Variants in CRB1 observed in about 807,000 individuals in gnomAD.
The protein encoded by CRB1 is protein crumbs homolog 1.
In CRB1, 83 loss-of-function variants were observed where a neutral mutation model predicts 120.0. The ratio of observed to expected loss-of-function variants is 0.69; its 90% CI spans 0.58 to 0.83. CRB1 has a LOEUF of 0.83. Ranked by LOEUF, CRB1 falls within the 40% of genes least tolerant of loss-of-function variation. CRB1 has a pLI of 0.00. For synonymous variants in CRB1, 625 were observed against 612.5 expected, an observed-to-expected ratio of 1.02 and a Z score of -0.30; for missense variants, 1,699 against 1,687.6, an observed-to-expected ratio of 1.01 and a Z score of -0.12.
intron 1 of CRB1, among the ~76,000 whole-genome samples, chr1:197,301,229 G>GACCTCGGCTCACTGCA (rs943321559): frequency 2.6e-5 from 4 of 151,304 alleles, no homozygotes; most frequent in African/African-American, 9.7e-5. Context: ...GCAGTGGCGC[G>GACCTCGGCTCACTGCA]ACCTCGGCTC....
At chr1:197,353,906 T>C (rs2125346126) in intron 4 of CRB1, among the ~76,000 whole-genome samples, 1 of 149,694 alleles carries the variant, frequency 6.7e-6, no homozygotes, top group Non-Finnish European at 1.5e-5. Context: ...GTGTTATATG[T>C]GCATCCTACT....
intron 5 of CRB1, among the ~76,000 whole-genome samples, chr1:197,375,056 A>T (rs1047185926): frequency 6.6e-6 from 1 of 152,126 alleles, no homozygotes; most frequent in African/African-American, 2.4e-5. Flanking sequence ...ATCTGAACCC[A>T]TCCCAAAGGC....
At chr1:197,359,234 C>A (rs74400266) in intron 5 of CRB1, among the ~76,000 whole-genome samples, 3,088 of 152,244 alleles carry the variant, frequency 0.02, 88 homozygotes, top group African/African-American at 0.067. Flanking sequence ...TCCTTCCCTG[C>A]CTCCTCATCC....
At chr1:197,283,203 C>T (rs1245255150) in intron 1 of CRB1, among the ~76,000 whole-genome samples, 1 of 151,396 alleles carries the variant, frequency 6.6e-6, no homozygotes, top group Non-Finnish European at 1.5e-5. Flanking sequence ...TTGGAAAAAA[C>T]AAAGAAAAAT....
At chr1:197,405,817 G>A (rs1002253832) in intron 5 of CRB1, among the ~76,000 whole-genome samples, 1 of 151,948 alleles carries the variant, frequency 6.6e-6, no homozygotes, top group Non-Finnish European at 1.5e-5. Context: ...CCCCGTCTGA[G>A]AAGTGAGGAG....
intron 1 of CRB1, among the ~76,000 whole-genome samples, chr1:197,302,677 G>T (rs1481105292): frequency 6.6e-6 from 1 of 152,082 alleles, no homozygotes; most frequent in African/African-American, 2.4e-5. Flanking sequence ...TCAGAATAAA[G>T]TTGGCCAAAG....
intron 5 of CRB1, among the ~76,000 whole-genome samples, chr1:197,375,727 T>C (rs921235920): frequency 1.3e-5 from 2 of 152,210 alleles, no homozygotes; most frequent in African/African-American, 4.8e-5. Context: ...TCTTTAGCAA[T>C]TATTCTTTAT....
chr1:197,455,859 C>T (rs1243322440), intron 11 of CRB1, among the ~76,000 whole-genome samples: 1 of 151,922 alleles, frequency 6.6e-6, no homozygotes, highest in African/African-American at 2.4e-5. Flanking sequence ...ATTACTGAAA[C>T]ACAGGTTTGT....
the CRB1 span, among the ~76,000 whole-genome samples, chr1:197,252,043 C>T: frequency 3.1e-4 from 47 of 151,808 alleles, no homozygotes; most frequent in Non-Finnish European, 5.0e-4. Flanking sequence ...CCTAGCTATC[C>T]ACAGTTTTGT....
chr1:197,312,198 A>G (rs1292666085), intron 1 of CRB1, among the ~76,000 whole-genome samples: 2 of 152,228 alleles, frequency 1.3e-5, no homozygotes, highest in Non-Finnish European at 2.9e-5. Context: ...GTAACTGTTT[A>G]TTAGTTGCTA....
intron 1 of CRB1, among the ~76,000 whole-genome samples, chr1:197,325,821 G>C (rs1041532867): frequency 6.6e-6 from 1 of 152,106 alleles, no homozygotes; most frequent in Non-Finnish European, 1.5e-5. Context: ...AGCTAAATAT[G>C]AGGCATATTA....
intron 11 of CRB1, chr1:197,444,200 T>C (rs1665593030): frequency 6.6e-6 from 1 of 152,210 alleles, no homozygotes; most frequent in Non-Finnish European, 1.5e-5. Flanking sequence ...TGAAGTAATA[T>C]ACTACAAAAG....
At chr1:197,453,439 T>C (rs1220306864) in intron 11 of CRB1, among the ~76,000 whole-genome samples, 2 of 147,350 alleles carry the variant, frequency 1.4e-5, no homozygotes, top group African/African-American at 2.5e-5. Context: ...TATAGTAGTA[T>C]ACTAATTATA....
At chr1:197,401,857 G>A (rs1161783796) in intron 5 of CRB1, among the ~76,000 whole-genome samples, 1 of 151,766 alleles carries the variant, frequency 6.6e-6, no homozygotes, top group South Asian at 2.1e-4. Context: ...CAGGGTCTCA[G>A]TCTTTTATAT....
In CRB1 at chr1:197,435,610, C is replaced by T. The variant is rs1665119927; in HGVS notation, c.3747C>T (p.Cys1249=). The stretch of plus-strand genomic sequence containing the variant: ...TTGGAAATTTTACAGGAAAATTTTG[C>T]AGGTGAGCATAAAGTCCATATGAAG... The part of the protein sequence containing the change: ...LCFGNFTGKF[C]RQSRLPSTVC... Residue 1249 remains cysteine (C), a splice_region_variant and synonymous_variant, in exon 9 of 12, where the codon TGC becomes TGT. Coordinates refer to ENST00000367400, the MANE Select transcript of CRB1 (RefSeq NM_201253.3). The T allele has an allele frequency of 1.2e-6, 2 of 1,610,154 alleles. No individual in the cohort carries two copies. Among genetic ancestry groups the T allele is most frequent in the Non-Finnish European group, 8.5e-7 (1 of 1,177,778 alleles).
In CRB1 at chr1:197,435,576, G is replaced by T. The variant is rs78471980; in HGVS notation, c.3713G>T (p.Cys1238Phe). 1.2e-6 allele frequency: 2 copies of T among 1,613,176 alleles called. No individual in the cohort carries two copies. The highest frequency in any genetic ancestry group is 1.7e-6 in the Non-Finnish European group (2 of 1,179,630). The change falls in exon 9 of 12, where the codon TGC becomes TTC. Residue 1238 changes from cysteine to phenylalanine, a missense_variant. By Grantham distance (205) the Cys-to-Phe change is radical. Transcript: ENST00000367400. The stretch of plus-strand genomic sequence containing the variant: ...ATTAGTCATACTAATGGCTATTCTT[G>T]CCTCTGTTTTGGAAATTTTACAGGA... ...TCISHTNGYS[C>F]LCFGNFTGKF...
At chr1:197,290,100 T>A (rs1420577617) in intron 1 of CRB1, among the ~76,000 whole-genome samples, 1 of 151,800 alleles carries the variant, frequency 6.6e-6, no homozygotes, top group African/African-American at 2.4e-5. Flanking sequence ...ATTTTTTATT[T>A]TGAGTCTTTC....
At chr1:197,450,624 A>G (rs1665914406) in intron 11 of CRB1, among the ~76,000 whole-genome samples, 1 of 151,936 alleles carries the variant, frequency 6.6e-6, no homozygotes, top group Admixed American at 6.6e-5. Context: ...GAGAATGGAA[A>G]AATAGATTTG....
At chr1:197,311,746 T>TG (rs1657540299) in intron 1 of CRB1, among the ~76,000 whole-genome samples, 1 of 140,772 alleles carries the variant, frequency 7.1e-6, no homozygotes, top group South Asian at 2.3e-4. Context: ...TGTGTGTGTG[T>TG]TGAGAAGATT....
Sources: gnomAD v4.1 joint callset for allele counts (sites outside exome capture counted in the v4.1 genomes callset) on GRCh38, gnomAD v4.1.1 for gene constraint, MANE v1.5 for transcripts, NCBI Gene and HGNC (gene_info 2026-07-23, HGNC 2026-07-21) for gene names.